CNTN5: variants seen among roughly 807,000 people sequenced by gnomAD.
CNTN5 encodes contactin-5.
A neutral mutation model predicts 129.1 loss-of-function variants in CNTN5; 77 were observed. The ratio of observed to expected loss-of-function variants is 0.60; its 90% CI spans 0.50 to 0.72. The LOEUF is 0.72. CNTN5 is among the 30% of genes least tolerant of loss of function. The pLI is 0.00. For missense variants in CNTN5, 1,478 were observed against 1,328.8 expected (o/e 1.11, Z -1.75); for synonymous variants, 509 against 465.6 (o/e 1.09, Z -1.20).
chr11:99,621,590 A>G (rs527860129), intron 3 of CNTN5, among the ~76,000 whole-genome samples: 17 of 152,306 alleles, frequency 1.1e-4, no homozygotes, highest in South Asian at 2.1e-4. Flanking sequence ...GTACTGCTCT[A>G]TAATCTATCA....
At chr11:99,700,126 A>G (rs1393757761) in intron 3 of CNTN5, among the ~76,000 whole-genome samples, 1 of 151,494 alleles carries the variant, frequency 6.6e-6, no homozygotes, top group Non-Finnish European at 1.5e-5. Context: ...AGAGTTGCCA[A>G]ATTTACCCAG....
chr11:100,274,472 ATC>A (rs892907865), intron 18 of CNTN5, among the ~76,000 whole-genome samples: 23 of 152,224 alleles, frequency 1.5e-4, no homozygotes, highest in Admixed American at 1.4e-3. Flanking sequence ...CAAACTCTAT[ATC>A]TGATAAAGGT....
intron 13 of CNTN5, among the ~76,000 whole-genome samples, chr11:100,146,045 C>T (rs1002942664): frequency 5.9e-5 from 9 of 152,092 alleles, no homozygotes; most frequent in African/African-American, 2.2e-4. Flanking sequence ...AAGTAAAAAG[C>T]GAGACATTCC....
intron 13 of CNTN5, among the ~76,000 whole-genome samples, chr11:100,135,178 T>G (rs993525006): frequency 7.8e-6 from 1 of 127,728 alleles, no homozygotes; most frequent in African/African-American, 3.6e-5. Flanking sequence ...ATAAAAGTGT[T>G]TTTTTTTTTT....
chr11:100,218,232 C>A (rs1209058764), intron 15 of CNTN5, among the ~76,000 whole-genome samples: 1 of 152,198 alleles, frequency 6.6e-6, no homozygotes, highest in Non-Finnish European at 1.5e-5. Context: ...TAACATATAT[C>A]ACTGTAGTTT....
At chr11:99,619,994 C>G (rs957671912) in intron 3 of CNTN5, among the ~76,000 whole-genome samples, 1 of 127,874 alleles carries the variant, frequency 7.8e-6, no homozygotes, top group African/African-American at 2.7e-5. Context: ...CCACTGCACT[C>G]CAGCCTGGGC....
At chr11:99,468,059 T>A (rs1945014646) in intron 2 of CNTN5, among the ~76,000 whole-genome samples, 1 of 152,158 alleles carries the variant, frequency 6.6e-6, no homozygotes, top group Non-Finnish European at 1.5e-5. Flanking sequence ...TATTATTAAT[T>A]TTATCTTTTA....
At chr11:99,876,112 C>T (rs898952869) in intron 6 of CNTN5, among the ~76,000 whole-genome samples, 5 of 152,088 alleles carry the variant, frequency 3.3e-5, no homozygotes, top group African/African-American at 7.2e-5. Context: ...TTTTGTGATG[C>T]ATAGTTGCTA....
At chr11:99,030,930 G>A (rs909114761) in intron 1 of CNTN5, among the ~76,000 whole-genome samples, 4 of 151,850 alleles carry the variant, frequency 2.6e-5, no homozygotes, top group South Asian at 4.2e-4. Flanking sequence ...GGAGGCGCTC[G>A]CCACCACGCC....
At position 99,985,318 on chromosome 11, in the gene CNTN5, C is replaced by A. The variant is rs79734114; in HGVS notation, c.878-16716C>A. On this transcript the variant is annotated intron_variant, in intron 8 of 24. Coordinates refer to ENST00000524871, the MANE Select transcript of CNTN5 (RefSeq NM_014361.4). ...AAATGGTTCTCAGCAGACAGGGGAG[C>A]AGGAGAGGGGACAGGACAGGCAGGC... Among the ~76,000 whole-genome samples the A allele has an allele frequency of 1.6e-3, 240 of 152,232 alleles. 1 individual carries two copies. The highest frequency in any genetic ancestry group is 5.6e-3 in the African/African-American group (231 of 41,552).
chr11:99,704,686 A>T (rs933199027), intron 3 of CNTN5, among the ~76,000 whole-genome samples: 2 of 151,270 alleles, frequency 1.3e-5, no homozygotes, highest in African/African-American at 4.8e-5. Context: ...ACTATCTTTT[A>T]TCTATATATG....
intron 2 of CNTN5, among the ~76,000 whole-genome samples, chr11:99,365,092 G>A (rs1939362012): frequency 6.6e-6 from 1 of 152,086 alleles, no homozygotes. Flanking sequence ...AAAGTTAAGA[G>A]CATGCCTGAG....
intron 1 of CNTN5, among the ~76,000 whole-genome samples, chr11:99,230,307 G>T (rs566408513): frequency 2.0e-5 from 3 of 152,146 alleles, no homozygotes; most frequent in Non-Finnish European, 4.4e-5. Context: ...ATAAATAAAA[G>T]TGTGTATATA....
At position 99,830,183 on chromosome 11, in the gene CNTN5, T is replaced by C. The variant is rs185955090; in HGVS notation, c.277+10418T>C. On this transcript the variant is annotated intron_variant, in intron 4 of 24. Transcript: ENST00000524871. ...TCAGAGACTACAGTGCTGTTTTTGATGGCGGAAATGGTGGTCCTTAGAGGA... is the reference window on the plus strand; with the variant it reads ...TCAGAGACTACAGTGCTGTTTTTGACGGCGGAAATGGTGGTCCTTAGAGGA... Among the ~76,000 whole-genome samples, 317 of 152,266 alleles carry C rather than the reference T, an allele frequency of 2.1e-3. 3 individuals are homozygous for C. The highest frequency in any genetic ancestry group is 7.3e-3 in the African/African-American group (303 of 41,566).
chr11:100,074,076 T>C, intron 12 of CNTN5, 68 bp from the exon 13 acceptor site: 1 of 1,409,984 alleles, frequency 7.1e-7, no homozygotes, highest in Non-Finnish European at 9.7e-7. Context: ...TACAAGATCT[T>C]CATGAATCAC....
chr11:100,091,483 T>C (rs1944784581), intron 13 of CNTN5, among the ~76,000 whole-genome samples: 1 of 148,510 alleles, frequency 6.7e-6, no homozygotes, highest in Non-Finnish European at 1.5e-5. Context: ...GGCTAGAGCG[T>C]ACTGGTGTAA....
chr11:100,205,450 T>C (rs758405389), intron 15 of CNTN5, among the ~76,000 whole-genome samples: 9 of 152,052 alleles, frequency 5.9e-5, no homozygotes, highest in African/African-American at 9.7e-5. Context: ...GAAAAGACTA[T>C]TGGACTATTA....
At chr11:99,452,046 A>G (rs1350861009) in intron 2 of CNTN5, among the ~76,000 whole-genome samples, 4 of 152,174 alleles carry the variant, frequency 2.6e-5, no homozygotes, top group African/African-American at 9.6e-5. Context: ...ATAAAATTAA[A>G]TATCAATTTT....
chr11:99,333,283 T>C (rs1374793776), intron 2 of CNTN5, among the ~76,000 whole-genome samples: 1 of 152,080 alleles, frequency 6.6e-6, no homozygotes, highest in Non-Finnish European at 1.5e-5. Context: ...TTGGATCACC[T>C]GTGATTTAGG....
Sources: gnomAD v4.1 joint callset for allele counts (sites outside exome capture counted in the v4.1 genomes callset) on GRCh38, gnomAD v4.1.1 for gene constraint, MANE v1.5 for transcripts, NCBI Gene and HGNC (gene_info 2026-07-23, HGNC 2026-07-21) for gene names.